Variants in LMF1 observed in about 807,000 individuals in gnomAD.
LMF1 encodes lipase maturation factor 1.
Under a neutral mutation model 60.6 loss-of-function variants are expected in LMF1, and 68 were observed. The ratio of observed to expected loss-of-function variants is 1.12; its 90% confidence interval spans 0.92 to 1.37. The LOEUF is 1.37. LMF1 is among the 40% of genes most tolerant of loss of function. LMF1 has a pLI of 0.00. For synonymous variants in LMF1, 418 were observed against 324.7 expected, an observed-to-expected ratio of 1.29 and a Z score of -3.09; for missense variants, 948 against 767.2, an observed-to-expected ratio of 1.24 and a Z score of -2.78.
intron 3 of LMF1, among the ~76,000 whole-genome samples, chr16:912,228 G>A (rs921548670): frequency 6.6e-5 from 10 of 152,044 alleles, no homozygotes; most frequent in South Asian, 2.1e-4. Flanking sequence ...ACAGAGACTC[G>A]CAGGGGCAGC....
intron 1 of LMF1, among the ~76,000 whole-genome samples, chr16:963,849 GAA>G (rs34844678): frequency 6.8e-6 from 1 of 146,264 alleles, no homozygotes; most frequent in African/African-American, 2.5e-5. Context: ...ATTTCAGAGA[GAA>G]AAAAACTATT....
At chr16:928,835 C>G (rs1056217495) in intron 3 of LMF1, among the ~76,000 whole-genome samples, 1 of 152,168 alleles carries the variant, frequency 6.6e-6, no homozygotes, top group African/African-American at 2.4e-5. Flanking sequence ...GACACCCGTA[C>G]ACACCCAAGT....
chr16:883,366 G>A (rs1157028259), intron 5 of LMF1, among the ~76,000 whole-genome samples: 1 of 152,140 alleles, frequency 6.6e-6, no homozygotes, highest in East Asian at 1.9e-4. Context: ...GGAGAAAGAG[G>A]AGCTGCCCAG....
Position 868,977 on chromosome 16 carries a change from G to C in LMF1, c.1496C>G (p.Ala499Gly), listed in dbSNP as rs747600410. The change falls in exon 10 of 11, where the codon GCA (alanine) becomes GGA (glycine). Residue 499 changes from alanine (A) to glycine (G), a missense_variant. Physicochemically the swap from Ala to Gly is moderately conservative, Grantham distance 60. Transcript: ENST00000262301. Reference protein sequence around the residue: ...ASDAEALSLLAHNPFAGRPPP... With the variant: ...ASDAEALSLLGHNPFAGRPPP... ...GGGCCTGCCCGCGAAGGGGTTGTGT[G>C]CCAGCAGGGACAAGGCCTCGGCGTC... 1 of 1,612,130 alleles carries C rather than the reference G, an allele frequency of 6.2e-7. No homozygotes were observed. Among genetic ancestry groups the C allele is most frequent in the Admixed American group, 1.7e-5 (1 of 59,996 alleles).
rs1359412112 is a variant in LMF1 at position 853,660 on chromosome 16, A to G, written c.*872T>C. ...TTTCGAGTAAGCTGGTAAGTGGTAT[A>G]ATAGGAATAGTAGAAGAATATGCCA... On this transcript the variant is annotated 3_prime_UTR_variant, in exon 11 of 11. Transcript: ENST00000262301. 4.4e-6 allele frequency: 2 copies of G among 453,220 alleles called. No homozygotes were observed. The highest frequency in any genetic ancestry group is 8.8e-6 in the Non-Finnish European group (2 of 226,082). The allele number at this position is 453,220 out of a possible 1,614,324, so 28.1% of individuals were successfully genotyped here.
chr16:856,749 C>T (rs1353363862), intron 10 of LMF1, among the ~76,000 whole-genome samples: 4 of 152,268 alleles, frequency 2.6e-5, no homozygotes, highest in Admixed American at 6.5e-5. Flanking sequence ...GCATTTCATT[C>T]CTGCAGACAA....
At position 869,198 on chromosome 16, in the gene LMF1, G is replaced by A. The variant is rs994079251; in HGVS notation, c.1417-142C>T. 8.9e-5 allele frequency: 62 copies of A among 698,734 alleles called. No homozygotes were observed. The East Asian group carries it at 1.6e-3, about 18-fold the overall frequency. 43.3% of individuals were successfully genotyped at this position (698,734 alleles called of 1,614,324 possible). On this transcript the variant is annotated intron_variant, in intron 9 of 10. Transcript: ENST00000262301. ...CTGGGCAGCCGCACTCCAGCTCTTT[G>A]GCTGGGGTCCCCTTAAGGGGCTGCC...
At chr16:975,493 C>G (rs2073117995), upstream of LMF1, among the ~76,000 whole-genome samples, 1 of 152,198 alleles carries the variant, frequency 6.6e-6, no homozygotes, top group Non-Finnish European at 1.5e-5. Context: ...AACAAACAGC[C>G]TCAGAGCCCA....
chr16:981,362 G>GC, upstream of LMF1: 1 of 301,568 alleles, frequency 3.3e-6, no homozygotes, highest in East Asian at 1.3e-4. Flanking sequence ...GTGTGTGTGT[G>GC]TGTGTGTGTG....
At chr16:944,085 G>A (rs1366614315) in intron 2 of LMF1, among the ~76,000 whole-genome samples, 1 of 152,140 alleles carries the variant, frequency 6.6e-6, no homozygotes, top group Non-Finnish European at 1.5e-5. Flanking sequence ...TTTCTAGGGC[G>A]AGAGGAACCC....
chr16:927,041 C>G (rs113197810), intron 3 of LMF1, among the ~76,000 whole-genome samples: 33 of 152,318 alleles, frequency 2.2e-4, no homozygotes, highest in African/African-American at 6.5e-4. Context: ...AGAAGGGCCA[C>G]TGCACCCAGG....
chr16:967,287 A>G (rs1167821365), intron 1 of LMF1, among the ~76,000 whole-genome samples: 1 of 152,194 alleles, frequency 6.6e-6, no homozygotes, highest in Non-Finnish European at 1.5e-5. Flanking sequence ...AGGGTTGACC[A>G]GTGAGGGCCT....
chr16:926,547 A>G (rs2071611627), intron 3 of LMF1, among the ~76,000 whole-genome samples: 1 of 152,280 alleles, frequency 6.6e-6, no homozygotes, highest in South Asian at 2.1e-4. Flanking sequence ...TGAAGATAAG[A>G]ATGGACGGAA....
chr16:869,101 C>T (rs945611792), intron 9 of LMF1, 45 bp from the exon 10 acceptor site: 6 of 1,239,120 alleles, frequency 4.8e-6, no homozygotes, highest in Non-Finnish European at 7.1e-6. Flanking sequence ...CACTCGCTGT[C>T]CAGGCACAGC....
chr16:854,143 C>A lies in LMF1; in HGVS notation c.*389G>T. Reference sequence around the variant, plus strand: ...AGGGAACAGAAACCAGGCCCTGGGACGCTAGAGACCCCAAGAGCTACCTGG... The same window carrying A: ...AGGGAACAGAAACCAGGCCCTGGGAAGCTAGAGACCCCAAGAGCTACCTGG... On this transcript the variant is annotated 3_prime_UTR_variant, in exon 11 of 11. Transcript: ENST00000262301. The A allele has an allele frequency of 4.2e-6, 2 of 473,480 alleles. No homozygotes were observed. Among genetic ancestry groups the A allele is most frequent in the Non-Finnish European group, 8.3e-6 (2 of 240,258 alleles). 29.3% of individuals were successfully genotyped at this position (473,480 alleles called of 1,614,324 possible). A position where few individuals can be genotyped will look rare whatever the true frequency, so the allele number is the denominator to read the frequency against.
At chr16:979,049 G>A (rs1423320844) in intron 1 of LMF1, 1 of 453,868 alleles carries the variant, frequency 2.2e-6, no homozygotes, top group Admixed American at 2.4e-5. Flanking sequence ...CCTCCACAAG[G>A]CCAGCGTCTG....
Position 934,255 on chromosome 16 carries a change from C to G in LMF1, c.504-1G>C. The G allele has an allele frequency of 3.8e-6, 6 of 1,599,344 alleles. No homozygotes were observed. Among genetic ancestry groups the G allele is most frequent in the Non-Finnish European group, 5.1e-6 (6 of 1,179,770 alleles). ...TGCATCTCACTTACCGAAAGAGTAC[C>G]TGAAAAACAAAAGAAGAAACGAGTA... On this transcript the variant is annotated splice_acceptor_variant, in intron 2 of 10. Transcript: ENST00000262301. LOFTEE classifies it high-confidence loss of function.
chr16:853,975 G>A lies in LMF1; in HGVS notation c.*557C>T. ...AGGCTGTGGCGGGGGTGGAGATGAGGGATAGGACAGAAAATGGCCCATCCA... is the reference window on the plus strand; with the variant it reads ...AGGCTGTGGCGGGGGTGGAGATGAGAGATAGGACAGAAAATGGCCCATCCA... On this transcript the variant is annotated 3_prime_UTR_variant, in exon 11 of 11. Coordinates refer to ENST00000262301, the MANE Select transcript of LMF1 (RefSeq NM_022773.4). The A allele has an allele frequency of 2.2e-6, 1 of 454,122 alleles. No homozygotes were observed. The highest frequency in any genetic ancestry group is 4.4e-6 in the Non-Finnish European group (1 of 226,820). 28.1% of individuals were successfully genotyped at this position (454,122 alleles called of 1,614,324 possible).
At chr16:970,996 A>C (rs2073039874), upstream of LMF1, 17 of 1,417,304 alleles carry the variant, frequency 1.2e-5, no homozygotes, top group South Asian at 7.9e-5. Context: ...GGGAGGGCGC[A>C]CTCCCGGAGG....
Sources: gnomAD v4.1 joint callset for allele counts (sites outside exome capture counted in the v4.1 genomes callset) on GRCh38, gnomAD v4.1.1 for gene constraint, MANE v1.5 for transcripts, NCBI Gene and HGNC (gene_info 2026-07-23, HGNC 2026-07-21) for gene names.